PREP: variants seen among roughly 807,000 people sequenced by gnomAD.
PREP encodes dJ355L5.1 (prolyl endopeptidase).
Under a neutral mutation model 87.6 loss-of-function variants are expected in PREP, and 29 were observed. The observed-to-expected ratio is 0.33, with a 90% CI of 0.25 to 0.45. The LOEUF is 0.45. Ranked by LOEUF, PREP falls within the 20% of genes least tolerant of loss-of-function variation. PREP has a pLI of 1.00. For synonymous variants in PREP, 337 were observed against 328.6 expected (o/e 1.03, Z -0.28); for missense variants, 695 against 886.5 (o/e 0.78, Z 2.74).
At chr6:105,343,439 G>A (rs1771714648) in intron 7 of PREP, among the ~76,000 whole-genome samples, 1 of 152,154 alleles carries the variant, frequency 6.6e-6, no homozygotes, top group East Asian at 1.9e-4. Flanking sequence ...AGAAAACCTA[G>A]GCAATACCAT....
chr6:105,357,915 T>G (rs541733311), intron 6 of PREP, among the ~76,000 whole-genome samples: 30 of 146,096 alleles, frequency 2.1e-4, no homozygotes, highest in African/African-American at 7.0e-4. Flanking sequence ...ACAATACTGT[T>G]TTTTTTTTTT....
intron 6 of PREP, among the ~76,000 whole-genome samples, chr6:105,355,592 C>T (rs979288631): frequency 6.6e-6 from 1 of 152,168 alleles, no homozygotes; most frequent in Admixed American, 6.5e-5. Context: ...TAGTACCCTG[C>T]TTGAGATTAA....
At position 105,377,416 on chromosome 6, in the gene PREP, T is replaced by G; in HGVS notation, c.224A>C (p.Lys75Thr). Residue 75 changes from lysine to threonine, a missense_variant, in exon 3 of 15, where the codon AAG (lysine) becomes ACG (threonine). By Grantham distance (78) the Lys-to-Thr change is moderately conservative. This residue lies in a region of PREP where 517 missense variants were observed against 620.3 expected (regional missense o/e 0.83). Transcript: ENST00000652536. ...TCCTTTCTTGAAGTGGCAACTATAC[T>G]TGGGATAATCATATAGTTCAGTCAT... ...ERMTELYDYP[K>T]YSCHFKKGKR... 1 of 1,612,926 alleles carries G rather than the reference T, an allele frequency of 6.2e-7. No individual in the cohort carries two copies. The highest frequency in any genetic ancestry group is 8.5e-7 in the Non-Finnish European group (1 of 1,179,546).
At chr6:105,350,893 G>A (rs1771932011) in intron 7 of PREP, among the ~76,000 whole-genome samples, 2 of 152,322 alleles carry the variant, frequency 1.3e-5, no homozygotes, top group East Asian at 1.9e-4. Context: ...ACTGGAGAAT[G>A]CTGATCCAAT....
chr6:105,279,324 C>A (rs1388035625), intron 14 of PREP, among the ~76,000 whole-genome samples: 1 of 152,148 alleles, frequency 6.6e-6, no homozygotes, highest in Non-Finnish European at 1.5e-5. Flanking sequence ...CCAAAACATT[C>A]TTGGGCTCAG....
intron 10 of PREP, among the ~76,000 whole-genome samples, chr6:105,315,013 A>G (rs1770831887): frequency 6.6e-6 from 1 of 152,236 alleles, no homozygotes; most frequent in African/African-American, 2.4e-5. Context: ...GTCAATGAGC[A>G]GTAAATATTT....
At chr6:105,400,498 T>C (rs1773398387) in intron 1 of PREP, among the ~76,000 whole-genome samples, 1 of 152,214 alleles carries the variant, frequency 6.6e-6, no homozygotes, top group Non-Finnish European at 1.5e-5. Context: ...GCTATGGCTT[T>C]ACTTTAGTCA....
chr6:105,346,587 T>C (rs1413990573), intron 7 of PREP, among the ~76,000 whole-genome samples: 1 of 152,242 alleles, frequency 6.6e-6, no homozygotes, highest in Non-Finnish European at 1.5e-5. Flanking sequence ...GGTAAGCTGA[T>C]ATTTCCTTAT....
intron 2 of PREP, among the ~76,000 whole-genome samples, chr6:105,379,904 G>A (rs1772791280): frequency 6.6e-6 from 1 of 152,236 alleles, no homozygotes; most frequent in South Asian, 2.1e-4. Context: ...GTAATCAGCA[G>A]AGCAATGCTG....
chr6:105,340,735 C>A (rs1771623579), intron 7 of PREP, among the ~76,000 whole-genome samples: 1 of 152,120 alleles, frequency 6.6e-6, no homozygotes, highest in African/African-American at 2.4e-5. Flanking sequence ...AGCAGGGTTG[C>A]AATCCTAGTC....
In PREP at chr6:105,313,550, T is replaced by A. The variant is rs114137000; in HGVS notation, c.1317+10115A>T. ...CAAATCTAAACAATGATCACAGTTG[T>A]GTTTCTAGATGGCCTGCTAATCCTA... On this transcript the variant is annotated intron_variant, in intron 10 of 14. Coordinates refer to ENST00000652536, the MANE Select transcript of PREP (RefSeq NM_002726.5). Among the ~76,000 whole-genome samples the A allele has an allele frequency of 6.7e-3, 1,015 of 152,358 alleles. 23 individuals are homozygous for A. Among genetic ancestry groups the A allele is most frequent in the Admixed American group, 0.043 (657 of 15,306 alleles).
rs377284037 is a variant in PREP, at chr6:105,273,917, G to T, written c.*4227C>A. ...TGCCCATTGTTTGTCCCCTCATTCC[G>T]TTCGGGTCTTTGTCCGAATGTTGCT... is the stretch of plus-strand genomic sequence containing the variant. On this transcript the variant is annotated 3_prime_UTR_variant, in exon 15 of 15. Transcript: ENST00000652536. 6.6e-6 allele frequency among the ~76,000 whole-genome samples: 1 copy of T among 152,108 alleles called. No homozygotes were observed. The highest frequency in any genetic ancestry group is 1.5e-5 in the Non-Finnish European group (1 of 68,030).
chr6:105,322,106 C>T, intron 10 of PREP: 2 of 191,638 alleles, frequency 1.0e-5, no homozygotes, highest in Non-Finnish European at 1.9e-5. Flanking sequence ...CAAAGAATGC[C>T]AGACTAAAAG....
chr6:105,305,122 T>C (rs973485704), intron 10 of PREP, among the ~76,000 whole-genome samples: 1 of 152,206 alleles, frequency 6.6e-6, no homozygotes, highest in Non-Finnish European at 1.5e-5. Context: ...ACTTGTTTTA[T>C]TGTAAGTAGA....
intron 2 of PREP, among the ~76,000 whole-genome samples, chr6:105,382,539 A>C (rs546365696): frequency 4.6e-5 from 7 of 152,288 alleles, no homozygotes; most frequent in South Asian, 4.1e-4. Context: ...CTTAAAAAAA[A>C]CTCATCTTTT....
intron 2 of PREP, among the ~76,000 whole-genome samples, chr6:105,381,950 G>A (rs1275580526): frequency 6.6e-6 from 1 of 152,150 alleles, no homozygotes; most frequent in African/African-American, 2.4e-5. Flanking sequence ...TGGGAGCTGA[G>A]ATTCCTTTAC....
In PREP at chr6:105,377,415, C is replaced by T. The variant is rs1220948978; in HGVS notation, c.225G>A (p.Lys75=). Residue 75 remains lysine (K), a synonymous_variant, in exon 3 of 15, where the codon AAG becomes AAA. Coordinates refer to ENST00000652536, the MANE Select transcript of PREP (RefSeq NM_002726.5). The part of the protein sequence containing the change: ...ERMTELYDYP[K]YSCHFKKGKR... ...TTCCTTTCTTGAAGTGGCAACTATA[C>T]TTGGGATAATCATATAGTTCAGTCA... 9.9e-6 allele frequency: 16 copies of T among 1,612,728 alleles called. No individual in the cohort carries two copies. Among genetic ancestry groups the T allele is most frequent in the Non-Finnish European group, 1.3e-5 (15 of 1,179,562 alleles).
chr6:105,340,319 A>C (rs1373742122), intron 7 of PREP, among the ~76,000 whole-genome samples: 1 of 152,206 alleles, frequency 6.6e-6, no homozygotes, highest in African/African-American at 2.4e-5. Context: ...GAGAAAGAAA[A>C]TCCTTTACAG....
In PREP at chr6:105,311,055, T is replaced by C. The variant is rs546969326; in HGVS notation, c.1317+12610A>G. Among the ~76,000 whole-genome samples the C allele has an allele frequency of 2.1e-4, 32 of 152,336 alleles. No individual in the cohort carries two copies. In the South Asian group the frequency reaches 6.4e-3, roughly 31 times the overall value. ...ATCCCTTAGTGTGTCTTCGCAATTC[T>C]ACCTTCTAGGTATATTCCAAACTCA... On this transcript the variant is annotated intron_variant, in intron 10 of 14. Coordinates refer to ENST00000652536, the MANE Select transcript of PREP (RefSeq NM_002726.5).
Sources: allele counts gnomAD v4.1 joint callset (sites outside exome capture counted in the v4.1 genomes callset), GRCh38; gene constraint gnomAD v4.1.1; regional missense constraint gnomAD v4.1.1; transcripts MANE v1.5; gene names NCBI Gene and HGNC (gene_info 2026-07-23, HGNC 2026-07-21).